The following SMIM38 variants were observed in gnomAD, a reference collection of about 807,000 sequenced individuals.
SMIM38 encodes small integral membrane protein 38.
Position 69,159,580 on chromosome 11 carries a change from T to C in SMIM38, c.*1484T>C, listed in dbSNP as rs3750970. ...AGGGGGTGACGTGAAGATGACCTATTGCAGAGGGTCCCTTCTCATTCACGC... is the reference window on the plus strand; with the variant it reads ...AGGGGGTGACGTGAAGATGACCTATCGCAGAGGGTCCCTTCTCATTCACGC... On this transcript the variant is annotated 3_prime_UTR_variant, in exon 3 of 3. Transcript: ENST00000686237. 64,585 of 151,718 alleles carry C rather than the reference T, an allele frequency of 0.43. 14,238 individuals carry two copies. Among genetic ancestry groups the C allele is most frequent in the African/African-American group, 0.54 (22,211 of 41,324 alleles). The allele number at this position is 151,718 out of a possible 1,614,324, so 9.4% of individuals were successfully genotyped here. A position where few individuals can be genotyped will look rare whatever the true frequency, so the allele number is the denominator to read the frequency against.
intron 1 of SMIM38, 34 bp downstream of exon 1, chr11:69,156,148 A>C (rs1856983480): frequency 6.6e-6 from 1 of 152,248 alleles, no homozygotes; most frequent in African/African-American, 2.4e-5. Context: ...TCCCGTTTGA[A>C]CGTGTGGTCC....
rs1395257522 is a variant in SMIM38 at position 69,161,707 on chromosome 11, GATAAATGA to G, written c.*3616_*3623del. On this transcript the variant is annotated 3_prime_UTR_variant, in exon 3 of 3. Coordinates refer to ENST00000686237, the MANE Select transcript of SMIM38 (RefSeq NM_001369201.2). ...GAACGGAGACAGTGAAGAATTGATG[GATAAATGA>G]ATAATGATGATGGACAGCAGATGTA... 1 of 152,202 alleles carries G rather than the reference GATAAATGA, an allele frequency of 6.6e-6. No individual in the cohort carries two copies. The highest frequency in any genetic ancestry group is 1.5e-5 in the Non-Finnish European group (1 of 68,046). 9.4% of individuals were successfully genotyped at this position (152,202 alleles called of 1,614,324 possible).
Position 69,159,731 on chromosome 11 carries a change from C to G in SMIM38, c.*1635C>G, listed in dbSNP as rs867201698. ...GTCACGGACAATTTGCCACCTCCACCGGCAGCCCAGGGCTCTGCCTGAATA... is the reference window on the plus strand; with the variant it reads ...GTCACGGACAATTTGCCACCTCCACGGGCAGCCCAGGGCTCTGCCTGAATA... On this transcript the variant is annotated 3_prime_UTR_variant, in exon 3 of 3. Transcript: ENST00000686237. 1.3e-5 allele frequency: 2 copies of G among 152,218 alleles called. No homozygotes were observed. Among genetic ancestry groups the G allele is most frequent in the African/African-American group, 4.8e-5 (2 of 41,446 alleles). The allele number at this position is 152,218 out of a possible 1,614,324, so 9.4% of individuals were successfully genotyped here.
At position 69,157,628 on chromosome 11, in the gene SMIM38, GC is replaced by G. The variant is rs1471644606; in HGVS notation, c.-218del. ...CTCTCACATGCCAGGGAGGCCCCGG[GC>G]TGGAGTCTGGCGGGCAGATCTGGCC... On this transcript the variant is annotated 5_prime_UTR_variant, in exon 2 of 3. An upstream open reading frame in the 5' UTR loses its in-frame stop. Transcript: ENST00000686237. 2 of 391,676 alleles carry G rather than the reference GC, an allele frequency of 5.1e-6. No homozygotes were observed. The highest frequency in any genetic ancestry group is 4.1e-5 in the African/African-American group (2 of 48,492). 24.3% of individuals were successfully genotyped at this position (391,676 alleles called of 1,614,324 possible).
Position 69,156,082 on chromosome 11 carries a change from C to T in SMIM38, c.-706C>T, listed in dbSNP as rs536857091. ...CCAGGCAGGGGCTCCAGGGTGGCTG[C>T]GGGAAGGCAGCTTAGGCGGTGCCCG... On this transcript the variant is annotated 5_prime_UTR_variant, in exon 1 of 3. Transcript: ENST00000686237. 146 of 152,498 alleles carry T rather than the reference C, an allele frequency of 9.6e-4. No individual in the cohort carries two copies. The highest frequency in any genetic ancestry group is 3.5e-3 in the South Asian group (17 of 4,828). The allele number at this position is 152,498 out of a possible 1,614,324, so 9.4% of individuals were successfully genotyped here. A position where few individuals can be genotyped will look rare whatever the true frequency, so the allele number is the denominator to read the frequency against.
rs538038126 is a variant in SMIM38, at chr11:69,158,403, C to T, written c.*401C>T. On this transcript the variant is annotated 3_prime_UTR_variant, in exon 2 of 3. Coordinates refer to ENST00000686237, the MANE Select transcript of SMIM38 (RefSeq NM_001369201.2). ...AAATGTGACCTCATCACAAGCTGGCCCTGTTACCAAAGGCCACGTCCTGTC... is the reference window on the plus strand; with the variant it reads ...AAATGTGACCTCATCACAAGCTGGCTCTGTTACCAAAGGCCACGTCCTGTC... 4 of 157,974 alleles carry T rather than the reference C, an allele frequency of 2.5e-5. No individual in the cohort carries two copies. Among genetic ancestry groups the T allele is most frequent in the African/African-American group, 7.2e-5 (3 of 41,814 alleles). 9.8% of individuals were successfully genotyped at this position (157,974 alleles called of 1,614,324 possible).
rs1316824808 is a variant in SMIM38 at position 69,157,788 on chromosome 11, C to A, written c.-59C>A. Reference sequence around the variant, plus strand: ...AGTGCCGGGCTAGGGTGGCAGGGCCCCACTGCATCTCGGTTCCAGGGCAGA... The same window carrying A: ...AGTGCCGGGCTAGGGTGGCAGGGCCACACTGCATCTCGGTTCCAGGGCAGA... On this transcript the variant is annotated 5_prime_UTR_variant, in exon 2 of 3. Transcript: ENST00000686237. 1 of 398,566 alleles carries A rather than the reference C, an allele frequency of 2.5e-6. No individual in the cohort carries two copies. The highest frequency in any genetic ancestry group is 2.1e-5 in the African/African-American group (1 of 48,650). 24.7% of individuals were successfully genotyped at this position (398,566 alleles called of 1,614,324 possible). A position where few individuals can be genotyped will look rare whatever the true frequency, so the allele number is the denominator to read the frequency against.
chr11:69,161,815 AT>A lies in SMIM38; in HGVS notation c.*3720del, dbSNP rs1369032981. The A allele has an allele frequency of 6.6e-6, 1 of 152,224 alleles. No homozygotes were observed. The highest frequency in any genetic ancestry group is 1.9e-4 in the East Asian group (1 of 5,204). 9.4% of individuals were successfully genotyped at this position (152,224 alleles called of 1,614,324 possible). A position where few individuals can be genotyped will look rare whatever the true frequency, so the allele number is the denominator to read the frequency against. The stretch of plus-strand genomic sequence containing the variant: ...TCATATGTTGAACCTTTAATGCCTA[AT>A]ACTTCAGAAAGAGACTGTGTTTGAA... On this transcript the variant is annotated 3_prime_UTR_variant, in exon 3 of 3. Transcript: ENST00000686237.
intron 1 of SMIM38, among the ~76,000 whole-genome samples, chr11:69,156,591 CGTGT>C (rs10651002): frequency 0.04 from 6,049 of 150,750 alleles, 388 homozygotes; most frequent in African/African-American, 0.13. Context: ...CATGTGTATG[CGTGT>C]GTGTGTGTGT....
Position 69,162,386 on chromosome 11 carries a change from G to A in SMIM38, c.*4290G>A, listed in dbSNP as rs141723976. The A allele has an allele frequency of 8.5e-5, 13 of 152,254 alleles. No homozygotes were observed. The East Asian group carries it at 1.2e-3, about 14-fold the overall frequency. The allele number at this position is 152,254 out of a possible 1,614,324, so 9.4% of individuals were successfully genotyped here. ...TTAGTAATGGTTTTATATTGATTACGCATTGAAATAATACTATTTTGGACA... is the reference window on the plus strand; with the variant it reads ...TTAGTAATGGTTTTATATTGATTACACATTGAAATAATACTATTTTGGACA... On this transcript the variant is annotated 3_prime_UTR_variant, in exon 3 of 3. Coordinates refer to ENST00000686237, the MANE Select transcript of SMIM38 (RefSeq NM_001369201.2).
Position 69,157,903 on chromosome 11 carries a change from G to C in SMIM38, c.57G>C (p.Val19=), listed in dbSNP as rs1474246935. The change falls in exon 2 of 3, where the codon GTG becomes GTC. Residue 19 remains valine, a synonymous_variant. Transcript: ENST00000686237. The part of the protein sequence containing the change: ...FGPDPLLALL[V]VILLARLILW... ...CTGACCCGCTCCTGGCCCTGCTGGT[G>C]GTGATCCTGCTAGCACGCCTCATCC... 5.0e-6 allele frequency: 2 copies of C among 399,226 alleles called. No homozygotes were observed. Among genetic ancestry groups the C allele is most frequent in the Non-Finnish European group, 4.4e-6 (1 of 226,532 alleles). The allele number at this position is 399,226 out of a possible 1,614,324, so 24.7% of individuals were successfully genotyped here.
rs114806444 is a variant in SMIM38, at chr11:69,156,700, G to A, written c.-673-474G>A. 7.9e-3 allele frequency among the ~76,000 whole-genome samples: 1,199 copies of A among 152,332 alleles called. 18 individuals carry two copies. The highest frequency in any genetic ancestry group is 0.028 in the African/African-American group (1,147 of 41,566). ...TTCTGAAGGCATCCACTGAGAGGCA[G>A]GGGCCAGGATCTCTGTGCCCAGGCG... On this transcript the variant is annotated intron_variant, in intron 1 of 2. Coordinates refer to ENST00000686237, the MANE Select transcript of SMIM38 (RefSeq NM_001369201.2).
chr11:69,156,589 T>TGC (rs1347445815), intron 1 of SMIM38, among the ~76,000 whole-genome samples: 1 of 41,532 alleles, frequency 2.4e-5, no homozygotes, highest in African/African-American at 5.5e-5. Flanking sequence ...TACATGTGTA[T>TGC]GCGTGTGTGT....
In SMIM38 at chr11:69,157,572, C is replaced by G. The variant is rs1482385124; in HGVS notation, c.-275C>G. 2.0e-5 allele frequency: 7 copies of G among 350,190 alleles called. No homozygotes were observed. Among genetic ancestry groups the G allele is most frequent in the Non-Finnish European group, 3.6e-5 (7 of 195,478 alleles). 21.7% of individuals were successfully genotyped at this position (350,190 alleles called of 1,614,324 possible). A position where few individuals can be genotyped will look rare whatever the true frequency, so the allele number is the denominator to read the frequency against. On this transcript the variant is annotated 5_prime_UTR_variant, in exon 2 of 3. Transcript: ENST00000686237. ...ATGAATGGTACACGGGCCTCTTGAC[C>G]AAGGAGGCTGCTCGTCGTCCCCAGT...
In SMIM38 at chr11:69,158,137, C is replaced by T; in HGVS notation, c.*135C>T. The T allele has an allele frequency of 2.5e-6, 1 of 396,670 alleles. No homozygotes were observed. The highest frequency in any genetic ancestry group is 4.4e-6 in the Non-Finnish European group (1 of 225,366). 24.6% of individuals were successfully genotyped at this position (396,670 alleles called of 1,614,324 possible). On this transcript the variant is annotated 3_prime_UTR_variant, in exon 2 of 3. Transcript: ENST00000686237. The stretch of plus-strand genomic sequence containing the variant: ...CCCTGGGGCAGGAGCTCAGAGAGGC[C>T]TGAGATGGATCGTGCCTTCCCAGAC...
In SMIM38 at chr11:69,157,981, C is replaced by T. The variant is rs1037778285; in HGVS notation, c.135C>T (p.Pro45=). The change falls in exon 2 of 3, where the codon CCC becomes CCT. Residue 45 remains proline, a synonymous_variant. Coordinates refer to ENST00000686237, the MANE Select transcript of SMIM38 (RefSeq NM_001369201.2). ...YIDYRLAQRR[P]QKPKQD ...ACTACAGACTGGCCCAGCGGCGGCC[C>T]CAGAAACCCAAGCAGGACTAAGCCT... 29 of 398,736 alleles carry T rather than the reference C, an allele frequency of 7.3e-5. No individual in the cohort carries two copies. Among genetic ancestry groups the T allele is most frequent in the Non-Finnish European group, 5.3e-5 (12 of 226,272 alleles). The allele number at this position is 398,736 out of a possible 1,614,324, so 24.7% of individuals were successfully genotyped here. A position where few individuals can be genotyped will look rare whatever the true frequency, so the allele number is the denominator to read the frequency against.
At position 69,158,433 on chromosome 11, in the gene SMIM38, C is replaced by T; in HGVS notation, c.*431C>T. 6.5e-6 allele frequency: 1 copy of T among 154,256 alleles called. No individual in the cohort carries two copies. The highest frequency in any genetic ancestry group is 1.4e-5 in the Non-Finnish European group (1 of 69,482). 9.6% of individuals were successfully genotyped at this position (154,256 alleles called of 1,614,324 possible). ...TACCAAAGGCCACGTCCTGTCTCAG[C>T]TCACCACCCTCATAACTAGTCTCCT... On this transcript the variant is annotated 3_prime_UTR_variant, in exon 2 of 3. Transcript: ENST00000686237.
chr11:69,155,604 T>A (rs1856976139), upstream of SMIM38: 1 of 152,274 alleles, frequency 6.6e-6, no homozygotes, highest in Non-Finnish European at 1.5e-5. Context: ...CCCTGCCTGG[T>A]GTGGCCTGAG....
rs186358113 is a variant in SMIM38, at chr11:69,157,769, G to A, written c.-78G>A. ...TGCACAGCAGCCACTTGGCAGTGCC[G>A]GGCTAGGGTGGCAGGGCCCCACTGC... On this transcript the variant is annotated 5_prime_UTR_variant, in exon 2 of 3. Coordinates refer to ENST00000686237, the MANE Select transcript of SMIM38 (RefSeq NM_001369201.2). 93 of 398,262 alleles carry A rather than the reference G, an allele frequency of 2.3e-4. No individual in the cohort carries two copies. The East Asian group carries it at 3.2e-3, about 14-fold the overall frequency. The allele number at this position is 398,262 out of a possible 1,614,324, so 24.7% of individuals were successfully genotyped here.
Sources: gnomAD v4.1 joint callset for allele counts (sites outside exome capture counted in the v4.1 genomes callset) on GRCh38, gnomAD v4.1.1 for gene constraint, MANE v1.5 for transcripts, NCBI Gene and HGNC (gene_info 2026-07-23, HGNC 2026-07-21) for gene names.